CAPN8: variants seen among roughly 807,000 people sequenced by gnomAD.
CAPN8 encodes calpain 8, also known as calpain-8.
A neutral mutation model predicts 80.9 loss-of-function variants in CAPN8; 87 were observed. That is an observed-to-expected ratio of 1.07 (90% CI 0.90 to 1.28). CAPN8 has a LOEUF of 1.28. CAPN8 is among the 50% of genes most tolerant of loss of function. The pLI is 0.00. For synonymous variants in CAPN8, 299 were observed against 273.8 expected (o/e 1.09, Z -0.91); for missense variants, 757 against 702.0 (o/e 1.08, Z -0.89).
chr1:223,637,057 T>C (rs1657911146), intron 2 of CAPN8, among the ~76,000 whole-genome samples: 1 of 152,218 alleles, frequency 6.6e-6, no homozygotes, highest in East Asian at 1.9e-4. Flanking sequence ...CCCGACCTTC[T>C]GACACTCACC....
rs2102704521 is a variant in CAPN8, at chr1:223,619,273, A to G, written c.1135+20T>C. On this transcript the variant is annotated intron_variant, in intron 9 of 20. Transcript: ENST00000366872. ...AGGATAAGCTGGAGGAGGTTGGGCC[A>G]AGGCAGCCCTTCACCTTACCTGGGT... 6.4e-7 allele frequency: 1 copy of G among 1,551,192 alleles called. No individual in the cohort carries two copies.
chr1:223,622,978 A>G, intron 6 of CAPN8, 78 bp from the exon 7 acceptor site: 1 of 1,169,102 alleles, frequency 8.6e-7, no homozygotes. Flanking sequence ...ACCTGACAGG[A>G]TCTGCATTAA....
At position 223,627,110 on chromosome 1, in the gene CAPN8, C is replaced by T. The variant is rs1657610381; in HGVS notation, c.608G>A (p.Gly203Glu). ...EALAGGSTVEGFEDFTGGISE... is the reference protein window; with the variant it reads ...EALAGGSTVEEFEDFTGGISE... The stretch of plus-strand genomic sequence containing the variant: ...GATGCCACCTGTGAAATCCTCAAAC[C>T]CCTCCACTGTGGAACCTCCAGCGAG... Residue 203 changes from glycine to glutamate, a missense_variant, in exon 5 of 21, where the codon GGG (glycine) becomes GAG (glutamate). By Grantham distance (98) the Gly-to-Glu change is moderately conservative. Coordinates refer to ENST00000366872, the MANE Select transcript of CAPN8 (RefSeq NM_001143962.2). The T allele has an allele frequency of 2.6e-6, 4 of 1,552,224 alleles. No individual in the cohort carries two copies. The highest frequency in any genetic ancestry group is 2.4e-5 in the East Asian group (1 of 40,936).
chr1:223,620,153 T>C (rs751552820), intron 8 of CAPN8, 39 bp downstream of exon 8: 30 of 1,528,082 alleles, frequency 2.0e-5, no homozygotes, highest in Non-Finnish European at 2.5e-5. Context: ...AATGGACCCA[T>C]CACCAATGGG....
intron 19 of CAPN8, among the ~76,000 whole-genome samples, 152 bp from the exon 20 acceptor site, chr1:223,543,318 G>A (rs537094721): frequency 1.3e-5 from 2 of 151,820 alleles, no homozygotes; most frequent in South Asian, 2.1e-4. Flanking sequence ...AGGCCCAGGG[G>A]CCTCAAAAAG....
At chr1:223,543,041 C>T in intron 20 of CAPN8, 67 bp downstream of exon 20, 1 of 1,521,592 alleles carries the variant, frequency 6.6e-7, no homozygotes, top group Non-Finnish European at 8.9e-7. Flanking sequence ...CATCACTTGG[C>T]AGCTACATGG....
intron 7 of CAPN8, among the ~76,000 whole-genome samples, chr1:223,621,888 G>T (rs1295537617): frequency 6.6e-6 from 1 of 151,568 alleles, no homozygotes; most frequent in African/African-American, 2.4e-5. Flanking sequence ...ATGGAGTCTT[G>T]CTCTGTTGCC....
chr1:223,640,431 C>T (rs985930451), intron 2 of CAPN8, among the ~76,000 whole-genome samples: 1 of 152,150 alleles, frequency 6.6e-6, no homozygotes, highest in Non-Finnish European at 1.5e-5. Flanking sequence ...TTGCTGGTGT[C>T]CTTCCCTATC....
chr1:223,543,246 C>T lies in CAPN8; in HGVS notation c.2030-80G>A, dbSNP rs961592237. The T allele has an allele frequency of 9.7e-5, 143 of 1,476,636 alleles. 5 individuals carry two copies. Among genetic ancestry groups the T allele is most frequent in the South Asian group, 3.4e-4 (27 of 80,414 alleles). 91.5% of individuals were successfully genotyped at this position (1,476,636 alleles called of 1,614,324 possible). On this transcript the variant is annotated intron_variant, in intron 19 of 20. Coordinates refer to ENST00000366872, the MANE Select transcript of CAPN8 (RefSeq NM_001143962.2). ...ACAATCAGAGAGCTGCCTCTGTCTA[C>T]CCCATCCCCACCTGCGGAACTCTCC...
chr1:223,551,154 T>G (rs911087814), intron 14 of CAPN8, 137 bp from the exon 15 acceptor site: 15 of 565,784 alleles, frequency 2.7e-5, no homozygotes, highest in African/African-American at 1.3e-4. Context: ...TTGTTTTTTG[T>G]TTTTTTTTGA....
At chr1:223,656,659 A>C in intron 1 of CAPN8, among the ~76,000 whole-genome samples, 2 of 140,046 alleles carry the variant, frequency 1.4e-5, no homozygotes, top group African/African-American at 2.6e-5. Context: ...GTACATACAC[A>C]CGTTTTGGGT....
At chr1:223,628,983 A>T (rs1657690785) in intron 2 of CAPN8, 1 of 561,224 alleles carries the variant, frequency 1.8e-6, no homozygotes, top group East Asian at 3.0e-5. Context: ...TCGGGAGTGG[A>T]TCCTCTGCTC....
intron 2 of CAPN8, among the ~76,000 whole-genome samples, chr1:223,645,216 G>A (rs1391271723): frequency 6.6e-6 from 1 of 152,110 alleles, no homozygotes; most frequent in Admixed American, 6.5e-5. Flanking sequence ...CGGAAGACTC[G>A]GCAAGTCTAG....
At chr1:223,548,611 C>CATCTATGAA (rs1461913603) in intron 16 of CAPN8, among the ~76,000 whole-genome samples, 1 of 152,152 alleles carries the variant, frequency 6.6e-6, no homozygotes, top group Non-Finnish European at 1.5e-5. Context: ...AAGAAGATGC[C>CATCTATGAA]ATCTATGAAC....
rs200427409 is a variant in CAPN8, at chr1:223,616,124, T to C, written c.1157A>G (p.Gln386Arg). The C allele has an allele frequency of 1.4e-5, 21 of 1,551,472 alleles. No individual in the cohort carries two copies. The highest frequency in any genetic ancestry group is 1.0e-5 in the Non-Finnish European group (12 of 1,146,832). The change falls in exon 10 of 21, where the codon CAG becomes CGG. Residue 386 changes from glutamine (Q) to arginine (R), a missense_variant. Transcript: ENST00000366872. ...NYPATYWTNP[Q>R]FKIRLDEVDE... is the part of the protein sequence containing the mutation. The stretch of plus-strand genomic sequence containing the variant: ...CACTTCATCCAAACGGATTTTGAAC[T>C]GGGGATTGGTCCAGTACGTGGCTGG...
chr1:223,612,655 C>G (rs952479693), intron 10 of CAPN8, among the ~76,000 whole-genome samples: 4 of 152,110 alleles, frequency 2.6e-5, no homozygotes, highest in African/African-American at 9.7e-5. Context: ...CTCACTCAAC[C>G]TGAGCCATAG....
chr1:223,623,550 C>A (rs1657467831), intron 6 of CAPN8, among the ~76,000 whole-genome samples: 2 of 152,194 alleles, frequency 1.3e-5, no homozygotes, highest in Admixed American at 1.3e-4. Context: ...CCCTTGGGCC[C>A]CTGCACACAC....
chr1:223,646,966 G>A (rs1658209167), intron 2 of CAPN8, among the ~76,000 whole-genome samples: 1 of 152,194 alleles, frequency 6.6e-6, no homozygotes, highest in South Asian at 2.1e-4. Flanking sequence ...ACCTCAGGCA[G>A]CTCAGCCAAG....
At chr1:223,548,913 A>T (rs1656705613) in intron 16 of CAPN8, among the ~76,000 whole-genome samples, 1 of 128,260 alleles carries the variant, frequency 7.8e-6, no homozygotes, top group Non-Finnish European at 1.6e-5. Flanking sequence ...AGTGATGGGG[A>T]GAGCTTGGGA....
Sources: gnomAD v4.1 joint callset for allele counts (sites outside exome capture counted in the v4.1 genomes callset) on GRCh38, gnomAD v4.1.1 for gene constraint, MANE v1.5 for transcripts, NCBI Gene and HGNC (gene_info 2026-07-23, HGNC 2026-07-21) for gene names.